The following RETSAT variants were observed in gnomAD, a reference collection of about 807,000 sequenced individuals.
RETSAT encodes the protein all-trans-retinol 13,14-reductase.
RETSAT carries 35 observed loss-of-function variants against 61.6 expected under a neutral mutation model. The observed-to-expected ratio is 0.57, with a 90% CI of 0.43 to 0.75. The LOEUF is 0.75. Ranked by LOEUF, RETSAT falls within the 30% of genes least tolerant of loss-of-function variation. The pLI is 0.00. For missense variants in RETSAT, 670 were observed against 759.5 expected (o/e 0.88, Z 1.38); for synonymous variants, 277 against 310.4 (o/e 0.89, Z 1.13).
At chr2:85,344,791 C>T (rs1683161746) in intron 6 of RETSAT, 59 bp from the exon 7 acceptor site, 2 of 1,583,240 alleles carry the variant, frequency 1.3e-6, no homozygotes, top group Non-Finnish European at 1.7e-6. Context: ...CCACTCCTTG[C>T]TCCCAGGAGA....
chr2:85,351,674 C>A lies in RETSAT; in HGVS notation c.355+6G>T, dbSNP rs759194053. Reference sequence around the variant, plus strand: ...TGCTCCCAACCCTTTTCCACACAAGCCTTACCTGTGTCAAATTCAAGGCCA... The same window carrying A: ...TGCTCCCAACCCTTTTCCACACAAGACTTACCTGTGTCAAATTCAAGGCCA... On this transcript the variant is annotated splice_donor_region_variant and intron_variant, in intron 2 of 10. Coordinates refer to ENST00000295802, the MANE Select transcript of RETSAT (RefSeq NM_017750.4). The A allele has an allele frequency of 5.6e-6, 9 of 1,613,064 alleles. No homozygotes were observed. The highest frequency in any genetic ancestry group is 1.3e-5 in the African/African-American group (1 of 75,068).
intron 6 of RETSAT, among the ~76,000 whole-genome samples, chr2:85,345,323 C>T (rs934497817): frequency 2.0e-5 from 3 of 152,212 alleles, no homozygotes; most frequent in East Asian, 1.9e-4. Context: ...CCCCCCAGCC[C>T]GCTCTGCTGT....
Position 85,345,968 on chromosome 2 carries a change from C to T in RETSAT, c.1117+7G>A, listed in dbSNP as rs202063104. The T allele has an allele frequency of 6.2e-7, 1 of 1,614,176 alleles. No homozygotes were observed. The highest frequency in any genetic ancestry group is 2.2e-5 in the East Asian group (1 of 44,886). ...TGCAAGAGGGGCAGTGCAGACCCGC[C>T]TTTTACCTGGCAGGCAGCGGGCGTT... On this transcript the variant is annotated splice_region_variant and intron_variant, in intron 6 of 10. Coordinates refer to ENST00000295802, the MANE Select transcript of RETSAT (RefSeq NM_017750.4).
Position 85,344,248 on chromosome 2 carries a change from G to T in RETSAT, c.1357C>A (p.Arg453=). The T allele has an allele frequency of 6.2e-7, 1 of 1,613,992 alleles. No individual in the cohort carries two copies. The highest frequency in any genetic ancestry group is 8.5e-7 in the Non-Finnish European group (1 of 1,179,936). ...GGACGTGCAGCCCCACCTGGGAATCGGTCCTCCCAGGTCGGATCTTTGGCT... is the reference window on the plus strand; with the variant it reads ...GGACGTGCAGCCCCACCTGGGAATCTGTCCTCCCAGGTCGGATCTTTGGCT... ...PSAKDPTWED[R]FPGRSTMIML... is the part of the protein sequence containing the mutation. The change falls in exon 8 of 11, where the codon CGA becomes AGA. Residue 453 remains arginine, a synonymous_variant. Coordinates refer to ENST00000295802, the MANE Select transcript of RETSAT (RefSeq NM_017750.4).
At chr2:85,348,283 T>C (rs1426257507) in intron 5 of RETSAT, among the ~76,000 whole-genome samples, 3 of 152,060 alleles carry the variant, frequency 2.0e-5, no homozygotes, top group Non-Finnish European at 4.4e-5. Context: ...TTATTGAGCC[T>C]CTAATATGTG....
In RETSAT at chr2:85,350,099, T is replaced by C; in HGVS notation, c.740A>G (p.Gln247Arg). 6.2e-7 allele frequency: 1 copy of C among 1,613,988 alleles called. No homozygotes were observed. Among genetic ancestry groups the C allele is most frequent in the Non-Finnish European group, 8.5e-7 (1 of 1,180,026 alleles). ...GAGCTCAGAGGAGGCCCCCAGCTGCTGCAGGACCTCAGCCAGGCTCTGGGT... is the reference window on the plus strand; with the variant it reads ...GAGCTCAGAGGAGGCCCCCAGCTGCCGCAGGACCTCAGCCAGGCTCTGGGT... ...ASTQSLAEVLQQLGASSELQA... is the reference protein window; with the variant it reads ...ASTQSLAEVLRQLGASSELQA... The change falls in exon 4 of 11, where the codon CAG becomes CGG. Residue 247 changes from glutamine to arginine, a missense_variant. Gln to Arg is a conservative substitution (Grantham distance 43). Transcript: ENST00000295802.
At chr2:85,345,872 C>G in intron 6 of RETSAT, 103 bp downstream of exon 6, 4 of 1,450,328 alleles carry the variant, frequency 2.8e-6, no homozygotes, top group Non-Finnish European at 3.9e-6. Context: ...AATCAGAGGG[C>G]CGGCCAAGAA....
chr2:85,343,529 AG>A, intron 10 of RETSAT, 109 bp downstream of exon 10: 1 of 1,536,920 alleles, frequency 6.5e-7, no homozygotes, highest in Non-Finnish European at 8.9e-7. Context: ...AGCCCTGCTC[AG>A]GGGATGGGAG....
Position 85,344,747 on chromosome 2 carries a change from G to A in RETSAT, c.1118-15C>T, listed in dbSNP as rs761103636. ...CTGCTTCACACCTGCCAGGGGGAGTGGTTGGTGCCTGTGTGGACCATGGCC... is the reference window on the plus strand; with the variant it reads ...CTGCTTCACACCTGCCAGGGGGAGTAGTTGGTGCCTGTGTGGACCATGGCC... On this transcript the variant is annotated splice_polypyrimidine_tract_variant and intron_variant, in intron 6 of 10. Coordinates refer to ENST00000295802, the MANE Select transcript of RETSAT (RefSeq NM_017750.4). 3.1e-6 allele frequency: 5 copies of A among 1,613,340 alleles called. No individual in the cohort carries two copies. In the South Asian group the frequency reaches 4.4e-5, roughly 14 times the overall value.
At chr2:85,353,524 C>A (rs773408027) in intron 1 of RETSAT, among the ~76,000 whole-genome samples, 24 of 152,228 alleles carry the variant, frequency 1.6e-4, no homozygotes, top group Non-Finnish European at 3.1e-4. Flanking sequence ...AGCAGTTAAG[C>A]TAGTCATCTC....
At chr2:85,346,469 C>T (rs1415772926) in intron 5 of RETSAT, among the ~76,000 whole-genome samples, 1 of 152,140 alleles carries the variant, frequency 6.6e-6, no homozygotes, top group African/African-American at 2.4e-5. Flanking sequence ...ACCCTCCAAT[C>T]GGGGCTAGGC....
At chr2:85,350,267 G>T in intron 3 of RETSAT, 26 bp from the exon 4 acceptor site, 4 of 1,558,206 alleles carry the variant, frequency 2.6e-6, no homozygotes, top group Non-Finnish European at 3.5e-6. Flanking sequence ...AGGACAGCAG[G>T]CCTCACCTCT....
chr2:85,351,631 C>T, intron 2 of RETSAT, 49 bp downstream of exon 2: 1 of 1,567,550 alleles, frequency 6.4e-7, no homozygotes. Flanking sequence ...TGCTCCAAGC[C>T]TCTTCAACAT....
At chr2:85,349,186 G>A (rs567402579) in intron 5 of RETSAT, among the ~76,000 whole-genome samples, 198 bp downstream of exon 5, 13 of 152,096 alleles carry the variant, frequency 8.5e-5, no homozygotes, top group South Asian at 2.1e-4. Context: ...CACTATGCCC[G>A]GCCAATCCTT....
intron 1 of RETSAT, among the ~76,000 whole-genome samples, chr2:85,353,736 C>T (rs1673297728): frequency 1.3e-5 from 2 of 152,148 alleles, no homozygotes; most frequent in Admixed American, 6.5e-5. Flanking sequence ...ACAGGTGATC[C>T]ATTATTTTTT....
chr2:85,343,142 C>T lies in RETSAT; in HGVS notation c.*100G>A. ...CAGGCATCAGAACCAAATTAGAGTG[C>T]TTTATACGTGCAAGGAACTAATGCA... On this transcript the variant is annotated 3_prime_UTR_variant, in exon 11 of 11. Coordinates refer to ENST00000295802, the MANE Select transcript of RETSAT (RefSeq NM_017750.4). 2.0e-6 allele frequency: 3 copies of T among 1,525,836 alleles called. No individual in the cohort carries two copies. The highest frequency in any genetic ancestry group is 1.2e-5 in the South Asian group (1 of 80,342). The allele number at this position is 1,525,836 out of a possible 1,614,324, so 94.5% of individuals were successfully genotyped here.
In RETSAT at chr2:85,342,281, C is replaced by T. The variant is rs889235644; in HGVS notation, c.*961G>A. On this transcript the variant is annotated 3_prime_UTR_variant, in exon 11 of 11. Coordinates refer to ENST00000295802, the MANE Select transcript of RETSAT (RefSeq NM_017750.4). Reference sequence around the variant, plus strand: ...CTGCAAATGCCATTTCTGGGCTTCACACACATTCCGTGGCTTTCCCTTTTC... The same window carrying T: ...CTGCAAATGCCATTTCTGGGCTTCATACACATTCCGTGGCTTTCCCTTTTC... 8 of 176,432 alleles carry T rather than the reference C, an allele frequency of 4.5e-5. No homozygotes were observed. The highest frequency in any genetic ancestry group is 7.2e-5 in the Non-Finnish European group (6 of 83,074). The allele number at this position is 176,432 out of a possible 1,614,324, so 10.9% of individuals were successfully genotyped here. A position where few individuals can be genotyped will look rare whatever the true frequency, so the allele number is the denominator to read the frequency against.
chr2:85,350,844 T>C lies in RETSAT; in HGVS notation c.533A>G (p.Gln178Arg). The change falls in exon 3 of 11, where the codon CAG becomes CGG. Residue 178 changes from glutamine to arginine, a missense_variant. By Grantham distance (43) the Gln-to-Arg change is conservative. Coordinates refer to ENST00000295802, the MANE Select transcript of RETSAT (RefSeq NM_017750.4). ...PMYSGEKAYI[Q>R]GLKEKFPQEE... The stretch of plus-strand genomic sequence containing the variant: ...CTGTGGAAACTTCTCCTTGAGGCCC[T>C]GAATGTAGGCTTTCTCTCCACTGTA... The C allele has an allele frequency of 2.5e-6, 4 of 1,614,236 alleles. No individual in the cohort carries two copies. Among genetic ancestry groups the C allele is most frequent in the Non-Finnish European group, 1.7e-6 (2 of 1,180,032 alleles).
At chr2:85,344,420 G>A (rs1683152502) in intron 7 of RETSAT, 72 bp from the exon 8 acceptor site, 2 of 1,551,620 alleles carry the variant, frequency 1.3e-6, no homozygotes, top group Admixed American at 3.5e-5. Context: ...TGCAAGGACT[G>A]CTTATCCCTA....
Sources: allele counts gnomAD v4.1 joint callset (sites outside exome capture counted in the v4.1 genomes callset), GRCh38; gene constraint gnomAD v4.1.1; transcripts MANE v1.5; gene names NCBI Gene and HGNC (gene_info 2026-07-23, HGNC 2026-07-21).